The following IGF2BP2 variants were observed in gnomAD, a reference collection of about 807,000 sequenced individuals.
IGF2BP2 encodes the protein insulin like growth factor 2 mRNA binding protein 2.
Under a neutral mutation model 75.8 loss-of-function variants are expected in IGF2BP2, and 17 were observed. The ratio of observed to expected loss-of-function variants is 0.22; its 90% CI spans 0.15 to 0.34. The LOEUF is 0.34. IGF2BP2 is among the 10% of genes least tolerant of loss of function. IGF2BP2 has a pLI of 1.00. For synonymous variants in IGF2BP2, 288 were observed against 295.6 expected (o/e 0.97, Z 0.26); for missense variants, 516 against 772.4 (o/e 0.67, Z 3.93).
chr3:185,746,433 G>C (rs961654060), intron 2 of IGF2BP2, among the ~76,000 whole-genome samples: 11 of 152,200 alleles, frequency 7.2e-5, no homozygotes, highest in African/African-American at 1.7e-4. Flanking sequence ...TGTTCTCCCA[G>C]TAAAAGCAGG....
At chr3:185,715,473 T>C (rs1358837864) in intron 2 of IGF2BP2, among the ~76,000 whole-genome samples, 2 of 152,184 alleles carry the variant, frequency 1.3e-5, no homozygotes, top group African/African-American at 2.4e-5. Flanking sequence ...CCAGCAGCAC[T>C]AACTTTCTTC....
intron 4 of IGF2BP2, among the ~76,000 whole-genome samples, chr3:185,695,289 A>G (rs1434696628): frequency 1.3e-5 from 2 of 152,226 alleles, no homozygotes; most frequent in Non-Finnish European, 2.9e-5. Flanking sequence ...CATATACAAG[A>G]AAATGGGTTG....
intron 2 of IGF2BP2, among the ~76,000 whole-genome samples, chr3:185,721,825 T>G (rs930682331): frequency 6.6e-6 from 1 of 152,126 alleles, no homozygotes; most frequent in Non-Finnish European, 1.5e-5. Flanking sequence ...TTCAGCAATG[T>G]TGGCTTTCTT....
chr3:185,782,779 A>G (rs1389048284), intron 2 of IGF2BP2, among the ~76,000 whole-genome samples: 1 of 152,202 alleles, frequency 6.6e-6, no homozygotes, highest in East Asian at 1.9e-4. Context: ...GCTCTTACAC[A>G]GAGAAGAGCC....
intron 12 of IGF2BP2, 71 bp from the exon 13 acceptor site, chr3:185,652,239 G>C (rs1218251799): frequency 7.6e-7 from 1 of 1,323,070 alleles, no homozygotes; most frequent in African/African-American, 1.5e-5. Context: ...TGTCTAAGTG[G>C]ACGGCAAGCA....
At chr3:185,794,592 T>C (rs192664800) in intron 2 of IGF2BP2, among the ~76,000 whole-genome samples, 95 of 152,244 alleles carry the variant, frequency 6.2e-4, no homozygotes, top group Non-Finnish European at 1.1e-3. Flanking sequence ...CCAACAGTGC[T>C]TCTTTTTAAG....
Position 185,645,148 on chromosome 3 carries a change from A to T in IGF2BP2, c.*383T>A, listed in dbSNP as rs1275799127. 1.3e-5 allele frequency: 3 copies of T among 234,004 alleles called. No individual in the cohort carries two copies. Among genetic ancestry groups the T allele is most frequent in the Non-Finnish European group, 1.7e-5 (2 of 118,226 alleles). The allele number at this position is 234,004 out of a possible 1,614,324, so 14.5% of individuals were successfully genotyped here. A position where few individuals can be genotyped will look rare whatever the true frequency, so the allele number is the denominator to read the frequency against. On this transcript the variant is annotated 3_prime_UTR_variant, in exon 16 of 16. Transcript: ENST00000382199. This position sits in a 1 kb window ranked among gnomAD's most constrained non-coding sequence, Gnocchi z 4.9. ...CTAATATGTACACACATGTACAGAGACGATTTGCCACAGAAAAAGGGTGTG... is the reference window on the plus strand; with the variant it reads ...CTAATATGTACACACATGTACAGAGTCGATTTGCCACAGAAAAAGGGTGTG...
chr3:185,689,890 C>T (rs1721701227), intron 5 of IGF2BP2, among the ~76,000 whole-genome samples: 1 of 150,120 alleles, frequency 6.7e-6, no homozygotes, highest in Admixed American at 6.6e-5. Flanking sequence ...ATGGCGTGAA[C>T]CCGGGAGGCG....
intron 2 of IGF2BP2, among the ~76,000 whole-genome samples, chr3:185,786,731 C>T (rs919956694): frequency 6.6e-6 from 1 of 152,052 alleles, no homozygotes; most frequent in African/African-American, 2.4e-5. Flanking sequence ...CATGGACGCG[C>T]GTGACAGAAC....
At chr3:185,776,618 C>A (rs1237762203) in intron 2 of IGF2BP2, among the ~76,000 whole-genome samples, 1 of 152,034 alleles carries the variant, frequency 6.6e-6, no homozygotes, top group Non-Finnish European at 1.5e-5. Flanking sequence ...ATTTGTGAAT[C>A]CAGGGTGAGG....
chr3:185,783,883 A>G (rs1308950274), intron 2 of IGF2BP2, among the ~76,000 whole-genome samples: 1 of 152,234 alleles, frequency 6.6e-6, no homozygotes, highest in Admixed American at 6.5e-5. Context: ...AAGTTATTAT[A>G]CATACATACG....
chr3:185,665,569 GAGAAGAAGGAGAAAAGGA>G (rs1717412658), intron 10 of IGF2BP2, among the ~76,000 whole-genome samples: 1 of 143,830 alleles, frequency 7.0e-6, no homozygotes, highest in African/African-American at 2.6e-5. Flanking sequence ...GAAGGAGAAG[GAGAAGAAGGAGAAAAGGA>G]AGAAGAAGAA....
intron 2 of IGF2BP2, among the ~76,000 whole-genome samples, chr3:185,743,171 A>ATT (rs201870060): frequency 1.8e-3 from 276 of 150,278 alleles, no homozygotes; most frequent in Admixed American, 2.9e-3. Flanking sequence ...TAATAATTAC[A>ATT]TTTTTTTTTT....
At chr3:185,793,819 A>G (rs1736958347) in intron 2 of IGF2BP2, among the ~76,000 whole-genome samples, 1 of 152,120 alleles carries the variant, frequency 6.6e-6, no homozygotes, top group African/African-American at 2.4e-5. Context: ...GAATTCCAAG[A>G]TTCCCAGTCT....
At chr3:185,779,125 G>A (rs752604092) in intron 2 of IGF2BP2, among the ~76,000 whole-genome samples, 1 of 148,160 alleles carries the variant, frequency 6.7e-6, no homozygotes, top group Non-Finnish European at 1.5e-5. Flanking sequence ...AAAATACTTT[G>A]ATATGCTAAA....
chr3:185,652,382 G>A (rs1220503124), intron 12 of IGF2BP2, among the ~76,000 whole-genome samples: 1 of 152,184 alleles, frequency 6.6e-6, no homozygotes, highest in Non-Finnish European at 1.5e-5. Flanking sequence ...TGGCCACCCA[G>A]GGACAGTCAG....
At chr3:185,661,137 C>T (rs1716367818) in intron 10 of IGF2BP2, among the ~76,000 whole-genome samples, 1 of 152,208 alleles carries the variant, frequency 6.6e-6, no homozygotes, top group Admixed American at 6.5e-5. Flanking sequence ...AACTTGCAAT[C>T]AGGAGCTTGT....
At chr3:185,810,709 G>A (rs1354704211) in intron 2 of IGF2BP2, among the ~76,000 whole-genome samples, 1 of 151,474 alleles carries the variant, frequency 6.6e-6, no homozygotes, top group Non-Finnish European at 1.5e-5. Context: ...AGGAGGCGGA[G>A]GTTGCAGTGA....
chr3:185,686,841 G>A (rs998059084), intron 7 of IGF2BP2, among the ~76,000 whole-genome samples: 25 of 151,902 alleles, frequency 1.6e-4, no homozygotes, highest in African/African-American at 5.8e-4. Flanking sequence ...CAAAATCACC[G>A]AGAGACATGC....
Sources: gnomAD v4.1 joint callset for allele counts (sites outside exome capture counted in the v4.1 genomes callset) on GRCh38, gnomAD v4.1.1 for gene constraint, Gnocchi (gnomAD v3.1) non-coding constraint, MANE v1.5 for transcripts, NCBI Gene and HGNC (gene_info 2026-07-23, HGNC 2026-07-21) for gene names.